ANKFN1: variants seen among roughly 807,000 people sequenced by gnomAD.
The protein encoded by ANKFN1 is ankyrin repeat and fibronectin type-III domain-containing protein 1.
In ANKFN1, 74 loss-of-function variants were observed where a neutral mutation model predicts 108.7. The ratio of observed to expected loss-of-function variants is 0.68; its 90% CI spans 0.56 to 0.83. The LOEUF (loss-of-function observed/expected upper bound fraction) is 0.83, where lower values mean the gene tolerates loss of function less well. Among genes scored for constraint, ANKFN1 ranks in the 40% least tolerant of loss-of-function variants. The pLI is 0.00. For missense variants in ANKFN1, 1,505 were observed against 1,382.3 expected, an observed-to-expected ratio of 1.09 and a Z score of -1.41; for synonymous variants, 547 against 516.2, an observed-to-expected ratio of 1.06 and a Z score of -0.81.
intron 3 of ANKFN1, among the ~76,000 whole-genome samples, chr17:56,247,437 CAAACA>C (rs1264729131): frequency 6.6e-6 from 1 of 152,100 alleles, no homozygotes; most frequent in African/African-American, 2.4e-5. Flanking sequence ...TAAAAACAAA[CAAACA>C]AATCAACAAA....
At chr17:56,509,261 T>C (rs1378123321) in intron 20 of ANKFN1, among the ~76,000 whole-genome samples, 2 of 152,298 alleles carry the variant, frequency 1.3e-5, no homozygotes, top group East Asian at 1.9e-4. Context: ...TTCTCTCTTG[T>C]GTGAAAGAAG....
At chr17:56,410,022 G>A (rs1028436277) in intron 8 of ANKFN1, among the ~76,000 whole-genome samples, 10 of 152,048 alleles carry the variant, frequency 6.6e-5, no homozygotes, top group Non-Finnish European at 1.2e-4. Flanking sequence ...CAGAAGAAAA[G>A]CCAGGCCAAT....
intron 4 of ANKFN1, among the ~76,000 whole-genome samples, chr17:56,107,359 A>T (rs1426893486): frequency 6.6e-6 from 1 of 152,204 alleles, no homozygotes; most frequent in African/African-American, 2.4e-5. Flanking sequence ...CCCCAAAAAA[A>T]GGCCAATCGC....
At chr17:56,299,276 C>T (rs922305721) in intron 3 of ANKFN1, among the ~76,000 whole-genome samples, 47 of 152,048 alleles carry the variant, frequency 3.1e-4, no homozygotes, top group African/African-American at 8.9e-4. Flanking sequence ...GAGGTCTCCC[C>T]GCATCTCTCC....
In ANKFN1 at chr17:56,466,577, T is replaced by C. The variant is rs774673489; in HGVS notation, c.1773+6T>C. On this transcript the variant is annotated splice_donor_region_variant and intron_variant, in intron 15 of 20. Coordinates refer to ENST00000682825, the MANE Select transcript of ANKFN1 (RefSeq NM_001370326.1). ...TTCTACTGATAACCATCCAGGTATG[T>C]AGTTTTTTTCTTAATTCCCGGGTAT... The C allele has an allele frequency of 2.5e-6, 4 of 1,596,086 alleles. No homozygotes were observed. Among genetic ancestry groups the C allele is most frequent in the South Asian group, 1.1e-5 (1 of 88,860 alleles).
chr17:56,347,652 C>G (rs1464458776), intron 4 of ANKFN1, among the ~76,000 whole-genome samples: 1 of 151,490 alleles, frequency 6.6e-6, no homozygotes. Flanking sequence ...TCTTATCTGA[C>G]AAAATTTTAA....
At chr17:56,312,876 G>A (rs761199024) in intron 3 of ANKFN1, among the ~76,000 whole-genome samples, 5 of 152,154 alleles carry the variant, frequency 3.3e-5, no homozygotes, top group Non-Finnish European at 7.3e-5. Flanking sequence ...CAACAGTGGG[G>A]GCGGGCACGG....
intron 4 of ANKFN1, among the ~76,000 whole-genome samples, chr17:56,107,530 G>A (rs1905774045): frequency 6.6e-6 from 1 of 152,132 alleles, no homozygotes; most frequent in South Asian, 2.1e-4. Context: ...AAGGGGCTGT[G>A]TTTAAGGAGC....
At chr17:56,108,642 G>A (rs142619280) in intron 4 of ANKFN1, among the ~76,000 whole-genome samples, 21 of 152,290 alleles carry the variant, frequency 1.4e-4, no homozygotes, top group African/African-American at 4.6e-4. Context: ...CAGAACTGAC[G>A]TTCAAACCCA....
At chr17:56,263,128 C>T (rs1417908145) in intron 3 of ANKFN1, among the ~76,000 whole-genome samples, 5 of 152,196 alleles carry the variant, frequency 3.3e-5, no homozygotes, top group Non-Finnish European at 5.9e-5. Context: ...AGAAACAAGA[C>T]GAACAAGTTC....
intron 1 of ANKFN1, among the ~76,000 whole-genome samples, chr17:56,155,546 G>A (rs930959846): frequency 6.6e-6 from 1 of 152,178 alleles, no homozygotes; most frequent in African/African-American, 2.4e-5. Flanking sequence ...CTTTGAGGAG[G>A]TGACAGTTAA....
intron 4 of ANKFN1, among the ~76,000 whole-genome samples, chr17:56,088,029 A>G (rs917332708): frequency 6.6e-6 from 1 of 151,260 alleles, no homozygotes; most frequent in African/African-American, 2.4e-5. Context: ...AGGCATAGGC[A>G]TGAGAGGTTT....
At chr17:56,066,776 G>A (rs1007039996) in intron 4 of ANKFN1, among the ~76,000 whole-genome samples, 11 of 152,044 alleles carry the variant, frequency 7.2e-5, no homozygotes, top group African/African-American at 2.7e-4. Flanking sequence ...CTACTTTCTT[G>A]CTCTGAATTT....
rs768110292 is a variant in ANKFN1, at chr17:56,442,882, A to T, written c.1048A>T (p.Lys350Ter). The stretch of plus-strand genomic sequence containing the variant: ...TGTTCAAGTCTCGGCTTACAATATG[A>T]AAGGATGGGGACCTGCTCAGACCAC... ...YFVQVSAYNM[K>*]GWGPAQTTTP... Residue 350 changes from lysine (K) to a stop codon, truncating the protein, a stop_gained, in exon 10 of 21, where the codon AAA (lysine) becomes TAA (stop). Transcript: ENST00000682825. LOFTEE classifies it high-confidence loss of function. 6.2e-7 allele frequency: 1 copy of T among 1,613,806 alleles called. No homozygotes were observed. The highest frequency in any genetic ancestry group is 1.1e-5 in the South Asian group (1 of 91,054).
intron 6 of ANKFN1, among the ~76,000 whole-genome samples, chr17:56,370,406 C>T (rs2046777467): frequency 6.6e-6 from 1 of 152,208 alleles, no homozygotes; most frequent in African/African-American, 2.4e-5. Context: ...CTGGAATTCA[C>T]ACCAGTAATA....
At chr17:56,359,964 G>C (rs1056427159) in intron 6 of ANKFN1, among the ~76,000 whole-genome samples, 1 of 152,108 alleles carries the variant, frequency 6.6e-6, no homozygotes, top group Non-Finnish European at 1.5e-5. Context: ...CCTGATTTTT[G>C]TTCCAAAACA....
At chr17:56,322,197 T>C (rs1382752484) in intron 3 of ANKFN1, among the ~76,000 whole-genome samples, 1 of 152,190 alleles carries the variant, frequency 6.6e-6, no homozygotes, top group East Asian at 1.9e-4. Context: ...TGTACTGGAA[T>C]AAATTAATGT....
chr17:56,049,515 A>G (rs1364679783), intron 4 of ANKFN1, among the ~76,000 whole-genome samples: 1 of 151,746 alleles, frequency 6.6e-6, no homozygotes, highest in African/African-American at 2.4e-5. Context: ...AGCATTAGGT[A>G]TATCTCCCAA....
At position 56,189,170 on chromosome 17, in the gene ANKFN1, C is replaced by CTTTTTTTTTTTTTT. The variant is rs532063852; in HGVS notation, c.-70-23423_-70-23410dup. On this transcript the variant is annotated intron_variant, in intron 1 of 20. Transcript: ENST00000682825. ...CCTAAGTAAGTAAATGTTGCCCTGA[C>CTTTTTTTTTTTTTT]TTTTTTTTTTTTTTTTTTGAGACGG... 1.3e-3 allele frequency among the ~76,000 whole-genome samples: 108 copies of CTTTTTTTTTTTTTT among 85,252 alleles called. 13 individuals are homozygous for CTTTTTTTTTTTTTT. Among genetic ancestry groups the CTTTTTTTTTTTTTT allele is most frequent in the African/African-American group, 6.6e-3 (98 of 14,748 alleles). 55.9% of individuals were successfully genotyped at this position (85,252 alleles called of 152,430 possible).
Sources: gnomAD v4.1 joint callset for allele counts (sites outside exome capture counted in the v4.1 genomes callset) on GRCh38, gnomAD v4.1.1 for gene constraint, MANE v1.5 for transcripts, NCBI Gene and HGNC (gene_info 2026-07-23, HGNC 2026-07-21) for gene names.